The following NRF1 variants were observed in gnomAD, a reference collection of about 807,000 sequenced individuals.
The protein encoded by NRF1 is nuclear respiratory factor 1, also known as alpha palindromic-binding protein.
Under a neutral mutation model 58.5 loss-of-function variants are expected in NRF1, and 5 were observed. The observed-to-expected ratio is 0.09, with a 90% confidence interval of 0.04 to 0.18. The LOEUF (loss-of-function observed/expected upper bound fraction) is 0.18, where lower values mean the gene tolerates loss of function less well. Ranked by LOEUF, NRF1 falls within the 10% of genes least tolerant of loss-of-function variation. The probability of loss-of-function intolerance (pLI) is 1.00; values close to 1 mark genes in which losing one functional copy is unlikely to be tolerated. For synonymous variants in NRF1, 224 were observed against 246.7 expected (o/e 0.91, Z 0.86); for missense variants, 288 against 657.7 (o/e 0.44, Z 6.15).
chr7:129,642,800 T>G (rs2151068474), intron 1 of NRF1, among the ~76,000 whole-genome samples: 1 of 147,512 alleles, frequency 6.8e-6, no homozygotes, highest in South Asian at 2.3e-4. Context: ...TCCCATTGTT[T>G]TCCAGGCTGG....
At chr7:129,717,538 A>C (rs973315688) in intron 9 of NRF1, among the ~76,000 whole-genome samples, 162 bp downstream of exon 9, 2 of 152,264 alleles carry the variant, frequency 1.3e-5, no homozygotes, top group African/African-American at 4.8e-5. Context: ...ATAATAGGTC[A>C]GTCCTTACCA....
At position 129,717,239 on chromosome 7, in the gene NRF1, G is replaced by A. The variant is rs895569706; in HGVS notation, c.1086G>A (p.Thr362=). Residue 362 remains threonine (T), a synonymous_variant, in exon 9 of 11, where the codon ACG becomes ACA. Coordinates refer to ENST00000393232, the MANE Select transcript of NRF1 (RefSeq NM_005011.5). ...CTCAGGTGGAACAAAATTGGGCCACGTTACAGGGAGGTGAGATGACCATCC... is the reference window on the plus strand; with the variant it reads ...CTCAGGTGGAACAAAATTGGGCCACATTACAGGGAGGTGAGATGACCATCC... The part of the protein sequence containing the change: ...ADGEVEQNWA[T]LQGGEMTIQT... 6.2e-6 allele frequency: 10 copies of A among 1,611,508 alleles called. No homozygotes were observed. The highest frequency in any genetic ancestry group is 4.4e-5 in the South Asian group (4 of 90,612).
intron 5 of NRF1, among the ~76,000 whole-genome samples, chr7:129,704,760 G>A (rs1247357504): frequency 6.6e-6 from 1 of 152,144 alleles, no homozygotes; most frequent in Non-Finnish European, 1.5e-5. Context: ...ATAAAGTTTT[G>A]ACAGCGACTT....
chr7:129,698,795 T>A (rs1733769995), intron 5 of NRF1, among the ~76,000 whole-genome samples: 1 of 152,232 alleles, frequency 6.6e-6, no homozygotes, highest in Non-Finnish European at 1.5e-5. Flanking sequence ...TCTCAGACTA[T>A]GCTTTGAATT....
intron 3 of NRF1, among the ~76,000 whole-genome samples, 189 bp from the exon 4 acceptor site, chr7:129,677,443 G>A (rs902372557): frequency 1.3e-5 from 2 of 152,182 alleles, no homozygotes; most frequent in East Asian, 3.8e-4. Flanking sequence ...CCTTCTATCA[G>A]TAGTCTTTAA....
In NRF1 at chr7:129,744,173, G is replaced by C. The variant is rs1007240524; in HGVS notation, c.1349-10845G>C. ...TTTAACAGTTCTGTGTTATTGTCAG[G>C]CCTCTTTATGGCAGATCGTGCAGGT... is the stretch of plus-strand genomic sequence containing the variant. On this transcript the variant is annotated intron_variant, in intron 10 of 10. Transcript: ENST00000393232. 7.2e-6 allele frequency: 11 copies of C among 1,530,592 alleles called. No individual in the cohort carries two copies. In the African/African-American group the frequency reaches 1.5e-4, roughly 21 times the overall value. The allele number at this position is 1,530,592 out of a possible 1,614,324, so 94.8% of individuals were successfully genotyped here. A position where few individuals can be genotyped will look rare whatever the true frequency, so the allele number is the denominator to read the frequency against.
intron 1 of NRF1, among the ~76,000 whole-genome samples, chr7:129,619,178 A>T (rs1462025823): frequency 6.6e-6 from 1 of 151,628 alleles, no homozygotes; most frequent in African/African-American, 2.4e-5. Context: ...GGCTAAACAG[A>T]TAAGGTTATA....
chr7:129,736,477 G>A (rs1025654622), intron 10 of NRF1, among the ~76,000 whole-genome samples: 4 of 151,722 alleles, frequency 2.6e-5, no homozygotes, highest in African/African-American at 4.8e-5. Flanking sequence ...GGCTGGTCTC[G>A]AACTCCTGAC....
intron 4 of NRF1, among the ~76,000 whole-genome samples, chr7:129,678,204 A>G (rs1802227227): frequency 1.3e-5 from 2 of 152,236 alleles, no homozygotes; most frequent in African/African-American, 4.8e-5. Flanking sequence ...TTGATTTAAT[A>G]CTGTGCTCCA....
intron 4 of NRF1, 116 bp downstream of exon 4, chr7:129,677,874 A>G (rs1244317881): frequency 8.1e-7 from 1 of 1,239,384 alleles, no homozygotes; most frequent in African/African-American, 1.5e-5. Flanking sequence ...TAATCCAGGC[A>G]TGGGAGTGGG....
At chr7:129,679,260 A>G (rs1207539669) in intron 4 of NRF1, among the ~76,000 whole-genome samples, 2 of 152,220 alleles carry the variant, frequency 1.3e-5, no homozygotes, top group African/African-American at 2.4e-5. Context: ...TCCTCTATTC[A>G]ATGTATGTGT....
intron 4 of NRF1, among the ~76,000 whole-genome samples, chr7:129,683,318 T>A (rs866043034): frequency 0.079 from 11,047 of 139,812 alleles, 519 homozygotes; most frequent in African/African-American, 0.14. Flanking sequence ...TGTGTGTGTG[T>A]GTGAGAGAGA....
At chr7:129,729,142 A>C (rs1484118326) in intron 10 of NRF1, among the ~76,000 whole-genome samples, 1 of 152,202 alleles carries the variant, frequency 6.6e-6, no homozygotes, top group Non-Finnish European at 1.5e-5. Context: ...TTTATTATCC[A>C]TTCTAATCGA....
intron 1 of NRF1, among the ~76,000 whole-genome samples, chr7:129,635,756 A>C (rs777953288): frequency 3.9e-5 from 6 of 152,114 alleles, no homozygotes; most frequent in Non-Finnish European, 8.8e-5. Flanking sequence ...TAGGTTTTGC[A>C]AGAGGACATC....
At position 129,652,368 on chromosome 7, in the gene NRF1, A is replaced by T. The variant is rs555002000; in HGVS notation, c.-6-4978A>T. ...TGTGGGTTTGTATTAATACAAGTAG[A>T]GATAGTGTTAGTGTACAACTGAAGC... On this transcript the variant is annotated intron_variant, in intron 1 of 10. Transcript: ENST00000393232. 2.2e-4 allele frequency among the ~76,000 whole-genome samples: 34 copies of T among 152,298 alleles called. No homozygotes were observed. The South Asian group carries it at 6.8e-3, about 31-fold the overall frequency.
At chr7:129,667,209 A>G (rs1193090742) in intron 2 of NRF1, among the ~76,000 whole-genome samples, 1 of 152,354 alleles carries the variant, frequency 6.6e-6, no homozygotes, top group Middle Eastern at 3.4e-3. Context: ...CACAAGCAGT[A>G]TGCTGTAGCG....
rs3735006 is a variant in NRF1 at position 129,690,513 on chromosome 7, C to T, written c.573C>T (p.Asp191=). ...CAGAACTGCCGCCTCTCACCATCGA[C>T]GGAATTCCAGTCTCTGTGGACAAAA... is the stretch of plus-strand genomic sequence containing the variant. ...VNSELPPLTI[D]GIPVSVDKMT... is the part of the protein sequence containing the mutation. The change falls in exon 5 of 11, where the codon GAC becomes GAT. Residue 191 remains aspartate, a synonymous_variant. Coordinates refer to ENST00000393232, the MANE Select transcript of NRF1 (RefSeq NM_005011.5). The T allele has an allele frequency of 0.054, 86,616 of 1,614,046 alleles. 2,590 individuals carry two copies. The highest frequency in any genetic ancestry group is 0.086 in the Middle Eastern group (522 of 6,060).
At position 129,750,064 on chromosome 7, in the gene NRF1, C is replaced by T. The variant is rs540459130; in HGVS notation, c.1349-4954C>T. Reference sequence around the variant, plus strand: ...TCAGCAGAAGTCAAGTGACATGCAGCGGGGGTGAGAGGGCTCAGAAAGGGG... The same window carrying T: ...TCAGCAGAAGTCAAGTGACATGCAGTGGGGGTGAGAGGGCTCAGAAAGGGG... On this transcript the variant is annotated intron_variant, in intron 10 of 10. Transcript: ENST00000393232. Among the ~76,000 whole-genome samples the T allele has an allele frequency of 2.6e-5, 4 of 152,048 alleles. No individual in the cohort carries two copies. In the South Asian group the frequency reaches 6.3e-4, roughly 24 times the overall value.
At chr7:129,666,256 C>T (rs1260879203) in intron 2 of NRF1, among the ~76,000 whole-genome samples, 1 of 151,766 alleles carries the variant, frequency 6.6e-6, no homozygotes, top group East Asian at 1.9e-4. Flanking sequence ...ATCCTGCTCC[C>T]TTCCCTCCCT....
Sources: allele counts gnomAD v4.1 joint callset (sites outside exome capture counted in the v4.1 genomes callset), GRCh38; gene constraint gnomAD v4.1.1; transcripts MANE v1.5; gene names NCBI Gene and HGNC (gene_info 2026-07-23, HGNC 2026-07-21).